The following ZNF469 variants were observed in gnomAD, a reference collection of about 807,000 sequenced individuals.
The protein encoded by ZNF469 is zinc finger protein 469.
Under a neutral mutation model 1.0 loss-of-function variants are expected in ZNF469, and 1 was observed. That is an observed-to-expected ratio of 1.00 (90% CI 0.35 to 4.73). ZNF469 has a LOEUF of 4.73. Ranked by LOEUF, ZNF469 falls within the 30% of genes most tolerant of loss-of-function variation. The pLI is 0.16. For synonymous variants in ZNF469, 2,703 were observed against 2,363.4 expected (o/e 1.14, Z -4.17); for missense variants, 6,100 against 5,356.3 (o/e 1.14, Z -4.33).
the ZNF469 span, among the ~76,000 whole-genome samples, chr16:88,292,749 T>C: frequency 1.4e-5 from 2 of 140,560 alleles, no homozygotes; most frequent in African/African-American, 5.4e-5. Flanking sequence ...CTCCAGACTC[T>C]GCCCTGAGTC....
chr16:88,163,272 T>C, the ZNF469 span, among the ~76,000 whole-genome samples: 37 of 81,016 alleles, frequency 4.6e-4, 10 homozygotes, highest in East Asian at 7.1e-3. Context: ...GATGAATAGA[T>C]GGGTAGATAG....
At chr16:88,164,314 G>A in the ZNF469 span, among the ~76,000 whole-genome samples, 1 of 136,682 alleles carries the variant, frequency 7.3e-6, no homozygotes, top group East Asian at 2.5e-4. Flanking sequence ...TGGATGCAGG[G>A]ATGATAGATG....
In ZNF469 at chr16:88,428,402, G is replaced by C. The variant is rs1905856577; in HGVS notation, c.932G>C (p.Gly311Ala). The C allele has an allele frequency of 6.5e-7, 1 of 1,548,318 alleles. No individual in the cohort carries two copies. Among genetic ancestry groups the C allele is most frequent in the Non-Finnish European group, 8.7e-7 (1 of 1,146,844 alleles). Reference protein sequence around the residue: ...PLVFAFHQPQGAWPEEAVGTG... With the variant: ...PLVFAFHQPQAAWPEEAVGTG... Reference sequence around the variant, plus strand: ...GTGTTTGCCTTCCATCAGCCCCAGGGAGCGTGGCCGGAGGAGGCCGTGGGC... The same window carrying C: ...GTGTTTGCCTTCCATCAGCCCCAGGCAGCGTGGCCGGAGGAGGCCGTGGGC... Residue 311 changes from glycine (G) to alanine (A), a missense_variant, in exon 3 of 3, where the codon GGA (glycine) becomes GCA (alanine). By Grantham distance (60) the Gly-to-Ala change is moderately conservative. Transcript: ENST00000565624.
chr16:88,301,109 C>T, the ZNF469 span, among the ~76,000 whole-genome samples: 55 of 151,980 alleles, frequency 3.6e-4, 2 homozygotes, highest in South Asian at 0.011. Flanking sequence ...TGGGAGCGTG[C>T]TTTGTACGTG....
chr16:88,183,877 G>T, the ZNF469 span, among the ~76,000 whole-genome samples: 1 of 152,266 alleles, frequency 6.6e-6, no homozygotes, highest in Non-Finnish European at 1.5e-5. Context: ...GGACAGGGAA[G>T]CGTCCCTGGA....
At chr16:88,395,919 G>T (rs988707433) in intron 1 of ZNF469, among the ~76,000 whole-genome samples, 1 of 152,210 alleles carries the variant, frequency 6.6e-6, no homozygotes, top group Admixed American at 6.5e-5. Context: ...TGTCCCGAGG[G>T]TCCTGACCCT....
chr16:88,436,738 C>T lies in ZNF469; in HGVS notation c.9268C>T (p.Arg3090Ter), dbSNP rs764139968. 1.3e-6 allele frequency: 2 copies of T among 1,548,460 alleles called. No homozygotes were observed. Among genetic ancestry groups the T allele is most frequent in the Non-Finnish European group, 1.7e-6 (2 of 1,146,252 alleles). The change falls in exon 3 of 3, where the codon CGA becomes TGA. Residue 3090 changes from arginine to a stop codon, truncating the protein, a stop_gained. Transcript: ENST00000565624. LOFTEE classifies it low-confidence loss of function (END_TRUNC). ...GTASSQGPQS[R>*]RTEEAAGAGR... ...GGCGAGCTCACAGGGGCCACAGAGC[C>T]GAAGGACAGAGGAGGCTGCAGGGGC...
rs959620448 is a variant in ZNF469, at chr16:88,437,891, G to A, written c.10421G>A (p.Arg3474Gln). Residue 3474 changes from arginine (R) to glutamine (Q), a missense_variant, in exon 3 of 3, where the codon CGG (arginine) becomes CAG (glutamine). Arg to Gln is a conservative substitution (Grantham distance 43). Transcript: ENST00000565624. ...CTCGAGGGCACACTGCCCAGCAAAC[G>A]GCGCAGGGTGGCCATGCCCGGCAGT... is the stretch of plus-strand genomic sequence containing the variant. ...RALEGTLPSK[R>Q]RRVAMPGSAP... The A allele has an allele frequency of 3.2e-6, 5 of 1,539,328 alleles. No homozygotes were observed. The highest frequency in any genetic ancestry group is 1.7e-4 in the Middle Eastern group (1 of 5,960).
At chr16:88,239,749 A>G in the ZNF469 span, among the ~76,000 whole-genome samples, 1 of 104,392 alleles carries the variant, frequency 9.6e-6, no homozygotes, top group Non-Finnish European at 1.9e-5. Context: ...TTTAGTAGAG[A>G]CAGGGTTTCA....
the ZNF469 span, among the ~76,000 whole-genome samples, chr16:88,249,864 C>A: frequency 6.6e-6 from 1 of 152,208 alleles, no homozygotes; most frequent in Admixed American, 6.5e-5. Context: ...CACCCAGCCC[C>A]CATGACCTGC....
the ZNF469 span, among the ~76,000 whole-genome samples, chr16:88,329,975 G>A: frequency 6.6e-6 from 1 of 152,224 alleles, no homozygotes; most frequent in Non-Finnish European, 1.5e-5. Flanking sequence ...CTGGGCACAG[G>A]GTGCCTGGGT....
the ZNF469 span, among the ~76,000 whole-genome samples, chr16:88,174,787 T>C: frequency 2.6e-5 from 4 of 151,914 alleles, no homozygotes; most frequent in Non-Finnish European, 4.4e-5. Flanking sequence ...ATAATACACA[T>C]ACAAAATATG....
upstream of ZNF469, among the ~76,000 whole-genome samples, chr16:88,380,528 A>ACAGACATGC (rs1567495460): frequency 1.4e-5 from 1 of 71,726 alleles, no homozygotes; most frequent in Non-Finnish European, 2.9e-5. Flanking sequence ...CACACGCACT[A>ACAGACATGC]ACACACACGC....
At chr16:88,177,075 A>T in the ZNF469 span, among the ~76,000 whole-genome samples, 261 of 152,284 alleles carry the variant, frequency 1.7e-3, 2 homozygotes, top group African/African-American at 6.1e-3. This position sits in a 1 kb window ranked among gnomAD's most constrained non-coding sequence, Gnocchi z 4.8. Context: ...ACAGGTGATA[A>T]TGTTTGACTG....
chr16:88,386,052 C>T (rs1198127582), intron 1 of ZNF469, among the ~76,000 whole-genome samples: 1 of 152,160 alleles, frequency 6.6e-6, no homozygotes, highest in Non-Finnish European at 1.5e-5. Flanking sequence ...GCAGGGATGC[C>T]GGTGAGGCAC....
At chr16:88,392,685 A>T (rs1348353947) in intron 1 of ZNF469, among the ~76,000 whole-genome samples, 1 of 152,126 alleles carries the variant, frequency 6.6e-6, no homozygotes, top group East Asian at 1.9e-4. Flanking sequence ...AGGCACCTGG[A>T]TGGCAGCTGC....
the ZNF469 span, among the ~76,000 whole-genome samples, chr16:88,285,630 A>G: frequency 1.3e-5 from 2 of 152,252 alleles, no homozygotes; most frequent in South Asian, 4.1e-4. Context: ...TGTCCATGTA[A>G]TGTCCTTTCA....
Position 88,437,310 on chromosome 16 carries a change from C to G in ZNF469, c.9840C>G (p.Ser3280Arg), listed in dbSNP as rs1004995551. ...RAKPRARSTPSNPDGAATPDS... is the reference protein window; with the variant it reads ...RAKPRARSTPRNPDGAATPDS... ...AACCCCGGGCACGCAGCACCCCCAG[C>G]AACCCAGACGGGGCCGCGACCCCAG... is the stretch of plus-strand genomic sequence containing the variant. The change falls in exon 3 of 3, where the codon AGC (serine) becomes AGG (arginine). Residue 3280 changes from serine (S) to arginine (R), a missense_variant. By Grantham distance (110) the Ser-to-Arg change is moderately radical (BLOSUM62 -1). Transcript: ENST00000565624. The G allele has an allele frequency of 1.0e-5, 16 of 1,547,606 alleles. No individual in the cohort carries two copies. In the African/African-American group the frequency reaches 1.1e-4, roughly 11 times the overall value.
At chr16:88,174,192 G>C in the ZNF469 span, among the ~76,000 whole-genome samples, 1 of 152,168 alleles carries the variant, frequency 6.6e-6, no homozygotes, top group Non-Finnish European at 1.5e-5. Flanking sequence ...GAAAGATAGA[G>C]TGGCTCTATT....
Sources: gnomAD v4.1 joint callset for allele counts (sites outside exome capture counted in the v4.1 genomes callset) on GRCh38, gnomAD v4.1.1 for gene constraint, Gnocchi (gnomAD v3.1) non-coding constraint, MANE v1.5 for transcripts, NCBI Gene and HGNC (gene_info 2026-07-23, HGNC 2026-07-21) for gene names.